Variants in RPS6KA6 observed in about 807,000 individuals in gnomAD.
RPS6KA6 encodes the protein ribosomal protein S6 kinase A6, also known as ribosomal protein S6 kinase alpha-6.
In RPS6KA6, 27 loss-of-function variants were observed where a neutral mutation model predicts 65.4. The ratio of observed to expected loss-of-function variants is 0.41; its 90% CI spans 0.30 to 0.57. The LOEUF is 0.57. Ranked by LOEUF, RPS6KA6 falls within the 20% of genes least tolerant of loss-of-function variation. The pLI is 0.24. For missense variants in RPS6KA6, 486 were observed against 555.6 expected (o/e 0.87, Z 1.26); for synonymous variants, 190 against 184.2 (o/e 1.03, Z -0.26).
intron 15 of RPS6KA6, 141 bp downstream of exon 15, chrX:84,106,224 G>C: frequency 1.8e-6 from 1 of 548,293 alleles, no homozygotes; most frequent in Non-Finnish European, 2.9e-6. Flanking sequence ...ATTCAAAAAT[G>C]AAAATATTAA....
intron 20 of RPS6KA6, among the ~76,000 whole-genome samples, chrX:84,087,975 G>T (rs1036474998): frequency 3.6e-5 from 4 of 111,804 alleles, no homozygotes; most frequent in African/African-American, 9.7e-5. Flanking sequence ...ACGTTGTGAA[G>T]TTCTTGTGTT....
In RPS6KA6 at chrX:84,164,391, A is replaced by G; in HGVS notation, c.82-4T>C. On this transcript the variant is annotated splice_polypyrimidine_tract_variant and splice_region_variant and intron_variant, in intron 1 of 21. Transcript: ENST00000262752. ...CAACCATTTTAAGACCATTTACCTG[A>G]AAAACATTGTTCAAAAATTGAGGTT... 8.5e-7 allele frequency: 1 copy of G among 1,178,509 alleles called. No homozygotes were observed. Among genetic ancestry groups the G allele is most frequent in the South Asian group, 1.8e-5 (1 of 54,592 alleles).
intron 8 of RPS6KA6, among the ~76,000 whole-genome samples, chrX:84,134,553 C>G (rs999325837): frequency 2.7e-5 from 3 of 110,856 alleles, no homozygotes; most frequent in African/African-American, 9.8e-5. Flanking sequence ...ACCTAGAAAA[C>G]GATCATTTCT....
At chrX:84,069,378 T>C (rs1231678803) in intron 20 of RPS6KA6, among the ~76,000 whole-genome samples, 2 of 111,891 alleles carry the variant, frequency 1.8e-5, no homozygotes, top group Admixed American at 1.9e-4. Context: ...AAGCTGAAAC[T>C]GGACCCTTTC....
intron 3 of RPS6KA6, among the ~76,000 whole-genome samples, chrX:84,150,862 G>C (rs775119082): frequency 1.0e-5 from 1 of 96,264 alleles, no homozygotes; most frequent in East Asian, 3.1e-4. Flanking sequence ...TATATATAGA[G>C]GATATATATA....
At chrX:84,133,184 C>T (rs2034932919) in intron 8 of RPS6KA6, among the ~76,000 whole-genome samples, 1 of 111,707 alleles carries the variant, frequency 9.0e-6, no homozygotes, top group African/African-American at 3.2e-5. Context: ...CAAAACATTG[C>T]AGCCTCAGGC....
In RPS6KA6 at chrX:84,096,277, G is replaced by A. The variant is rs754025479; in HGVS notation, c.1888C>T (p.Pro630Ser). The A allele has an allele frequency of 1.7e-6, 2 of 1,179,667 alleles. No homozygotes were observed. The highest frequency in any genetic ancestry group is 1.8e-5 in the African/African-American group (1 of 56,562). The change falls in exon 20 of 22, where the codon CCT becomes TCT. Residue 630 changes from proline (P) to serine (S), a missense_variant. Physicochemically the swap from Pro to Ser is moderately conservative, Grantham distance 74. Transcript: ENST00000262752. ...TPFANGPNDTPEEILLRIGNG... is the reference protein window; with the variant it reads ...TPFANGPNDTSEEILLRIGNG... Reference sequence around the variant, plus strand: ...CCTATACGCAGCAGTATCTCTTCAGGAGTATCATTGGGGCCATTAGCAAAT... The same window carrying A: ...CCTATACGCAGCAGTATCTCTTCAGAAGTATCATTGGGGCCATTAGCAAAT...
chrX:84,155,456 A>G, intron 3 of RPS6KA6, among the ~76,000 whole-genome samples: 1 of 111,857 alleles, frequency 8.9e-6, no homozygotes. Context: ...CCAGACCTAT[A>G]CACTTCTTTT....
intron 1 of RPS6KA6, among the ~76,000 whole-genome samples, chrX:84,178,763 T>C (rs1449547354): frequency 9.0e-6 from 1 of 111,467 alleles, no homozygotes; most frequent in Non-Finnish European, 1.9e-5. Context: ...CTACCCACCA[T>C]ATTCAAAAAT....
intron 11 of RPS6KA6, 41 bp from the exon 12 acceptor site, chrX:84,116,328 T>G: frequency 1.2e-6 from 1 of 827,377 alleles, no homozygotes; most frequent in Non-Finnish European, 1.7e-6. Flanking sequence ...TATGATTTTT[T>G]TTAGTCTTGC....
chrX:84,067,589 C>A (rs552884664), intron 20 of RPS6KA6, among the ~76,000 whole-genome samples: 3 of 111,531 alleles, frequency 2.7e-5, no homozygotes, highest in Non-Finnish European at 5.7e-5. Context: ...TTAAAAGGAA[C>A]GAACAAAGCC....
chrX:84,077,678 C>T (rs752175803), intron 20 of RPS6KA6, among the ~76,000 whole-genome samples: 29 of 111,737 alleles, frequency 2.6e-4, no homozygotes, highest in Admixed American at 2.9e-4. Context: ...GGGGAAAATA[C>T]AGATGCTCTG....
At chrX:84,134,681 C>T (rs1287507997) in intron 8 of RPS6KA6, 101 bp downstream of exon 8, 12 of 510,939 alleles carry the variant, frequency 2.3e-5, no homozygotes, top group Non-Finnish European at 3.4e-5. Flanking sequence ...AATTGCAAAT[C>T]AAATTCAGAA....
At chrX:84,118,365 A>G (rs780809066) in intron 9 of RPS6KA6, among the ~76,000 whole-genome samples, 2 of 111,418 alleles carry the variant, frequency 1.8e-5, no homozygotes, top group South Asian at 7.6e-4. Context: ...AGAGGTGAGA[A>G]CTTCAGGGAG....
At position 84,060,318 on chromosome X, in the gene RPS6KA6, C is replaced by T. The variant is rs2033283254; in HGVS notation, c.*3959G>A. 1.0e-5 allele frequency: 1 copy of T among 98,808 alleles called. No homozygotes were observed. The highest frequency in any genetic ancestry group is 2.0e-5 in the Non-Finnish European group (1 of 50,183). 8.1% of individuals were successfully genotyped at this position (98,808 alleles called of 1,213,427 possible). A position where few individuals can be genotyped will look rare whatever the true frequency, so the allele number is the denominator to read the frequency against. On this transcript the variant is annotated 3_prime_UTR_variant, in exon 22 of 22. Transcript: ENST00000262752. ...GTTGGCCAATATATACTTAATATGG[C>T]TTGCATTTTTTTTTTTTTTTTTTTG...
Position 84,059,704 on chromosome X carries a change from A to G in RPS6KA6, c.*4573T>C, listed in dbSNP as rs895963965. The G allele has an allele frequency of 8.9e-6, 1 of 111,902 alleles. No homozygotes were observed. Among genetic ancestry groups the G allele is most frequent in the Admixed American group, 9.5e-5 (1 of 10,502 alleles). 9.2% of individuals were successfully genotyped at this position (111,902 alleles called of 1,213,427 possible). Reference sequence around the variant, plus strand: ...CTTAATACCTTTTGAAGAATAAATTATTAGTTCCCATAACTAGACAGTTGG... The same window carrying G: ...CTTAATACCTTTTGAAGAATAAATTGTTAGTTCCCATAACTAGACAGTTGG... On this transcript the variant is annotated 3_prime_UTR_variant, in exon 22 of 22. Transcript: ENST00000262752.
chrX:84,075,922 A>T (rs2033655612), intron 20 of RPS6KA6, among the ~76,000 whole-genome samples: 1 of 112,246 alleles, frequency 8.9e-6, no homozygotes, highest in African/African-American at 3.2e-5. Context: ...TGAAGCAAAA[A>T]CCATTATAAC....
chrX:84,143,297 A>G (rs1025753822), intron 6 of RPS6KA6, among the ~76,000 whole-genome samples: 1 of 111,486 alleles, frequency 9.0e-6, no homozygotes, highest in Non-Finnish European at 1.9e-5. Context: ...AAATAGTTAC[A>G]GAAAACTTTC....
chrX:84,182,923 T>C (rs1167798517), intron 1 of RPS6KA6, among the ~76,000 whole-genome samples: 2 of 112,495 alleles, frequency 1.8e-5, no homozygotes, highest in Non-Finnish European at 3.8e-5. Flanking sequence ...AAGATGAACA[T>C]TGGTGAAACA....
Sources: gnomAD v4.1 joint callset for allele counts (sites outside exome capture counted in the v4.1 genomes callset) on GRCh38, gnomAD v4.1.1 for gene constraint, MANE v1.5 for transcripts, NCBI Gene and HGNC (gene_info 2026-07-23, HGNC 2026-07-21) for gene names.